The following AGMO variants were observed in gnomAD, a reference collection of about 807,000 sequenced individuals.
The protein encoded by AGMO is glyceryl-ether monooxygenase.
A neutral mutation model predicts 60.2 loss-of-function variants in AGMO; 75 were observed. The observed-to-expected ratio is 1.25, with a 90% CI of 1.03 to 1.51. The LOEUF is 1.51. Ranked by LOEUF, AGMO falls within the 40% of genes most tolerant of loss-of-function variation. The pLI is 0.00. For synonymous variants in AGMO, 261 were observed against 177.1 expected (o/e 1.47, Z -3.76); for missense variants, 763 against 525.5 (o/e 1.45, Z -4.42).
At chr7:15,257,867 A>G (rs898143725) in intron 12 of AGMO, among the ~76,000 whole-genome samples, 9 of 152,208 alleles carry the variant, frequency 5.9e-5, no homozygotes, top group African/African-American at 2.2e-4. Context: ...CACCCGTTTA[A>G]TAGTTTATGC....
the AGMO span, among the ~76,000 whole-genome samples, chr7:15,177,405 A>G: frequency 2.0e-5 from 3 of 152,040 alleles, no homozygotes; most frequent in Admixed American, 2.0e-4. Context: ...CTGCCCATCA[A>G]CACTTCTGTT....
the AGMO span, among the ~76,000 whole-genome samples, chr7:15,187,413 C>A: frequency 6.6e-6 from 1 of 152,194 alleles, no homozygotes; most frequent in Non-Finnish European, 1.5e-5. Flanking sequence ...GCCTCTCCAG[C>A]CTCTCTGTAG....
intron 10 of AGMO, among the ~76,000 whole-genome samples, chr7:15,380,459 T>C (rs1783632762): frequency 6.6e-6 from 1 of 151,734 alleles, no homozygotes; most frequent in Non-Finnish European, 1.5e-5. Context: ...ACCAGGGAGG[T>C]GAAAGATCTC....
intron 3 of AGMO, among the ~76,000 whole-genome samples, chr7:15,531,198 ATATATATTC>A (rs1217480317): frequency 3.4e-5 from 3 of 88,048 alleles, no homozygotes; most frequent in African/African-American, 9.2e-5. Context: ...TATATTCTAT[ATATATATTC>A]TATATATTCT....
chr7:15,342,171 T>TGAAAAAAAAAAAAAAAAA (rs1781874014), intron 12 of AGMO, among the ~76,000 whole-genome samples: 1 of 33,040 alleles, frequency 3.0e-5, no homozygotes, highest in African/African-American at 2.9e-4. Flanking sequence ...ACCCACAGAG[T>TGAAAAAAAAAAAAAAAAA]TAAAAAAAAA....
intron 3 of AGMO, among the ~76,000 whole-genome samples, chr7:15,513,546 C>CT (rs1783733562): frequency 6.6e-6 from 1 of 152,166 alleles, no homozygotes; most frequent in Non-Finnish European, 1.5e-5. Flanking sequence ...GCTTTTACTC[C>CT]TACTCTCTTG....
intron 12 of AGMO, among the ~76,000 whole-genome samples, chr7:15,212,186 T>C: frequency 6.6e-6 from 1 of 151,736 alleles, no homozygotes; most frequent in East Asian, 1.9e-4. Context: ...ACCCTTCAAA[T>C]TTCTCTAAAA....
chr7:15,351,938 T>C (rs1583441935), intron 12 of AGMO, among the ~76,000 whole-genome samples: 1 of 152,204 alleles, frequency 6.6e-6, no homozygotes, highest in Non-Finnish European at 1.5e-5. Context: ...ATGAATTCGG[T>C]AATATTGACC....
intron 3 of AGMO, among the ~76,000 whole-genome samples, chr7:15,454,277 T>C (rs1001121973): frequency 1.3e-5 from 2 of 152,070 alleles, no homozygotes; most frequent in Non-Finnish European, 2.9e-5. Context: ...TCTTGTATAC[T>C]TGAAATTTGC....
At chr7:15,402,557 C>T (rs10234846) in intron 5 of AGMO, among the ~76,000 whole-genome samples, 3 of 148,288 alleles carry the variant, frequency 2.0e-5, no homozygotes, top group Non-Finnish European at 4.5e-5. Context: ...GGGCACAAAT[C>T]TTATGTATTA....
Position 15,229,742 on chromosome 7 carries a change from T to G in AGMO, c.1264-28383A>C, listed in dbSNP as rs575691272. On this transcript the variant is annotated intron_variant, in intron 12 of 12. Coordinates refer to ENST00000342526, the MANE Select transcript of AGMO (RefSeq NM_001004320.2). Reference sequence around the variant, plus strand: ...ATTATATATAAATTATATATTATAATATATATAAATAATTAGTTATATATA... The same window carrying G: ...ATTATATATAAATTATATATTATAAGATATATAAATAATTAGTTATATATA... Among the ~76,000 whole-genome samples, 287 of 147,384 alleles carry G rather than the reference T, an allele frequency of 1.9e-3. 2 individuals are homozygous for G. The highest frequency in any genetic ancestry group is 6.7e-3 in the African/African-American group (272 of 40,726).
chr7:15,169,973 G>A, the AGMO span, among the ~76,000 whole-genome samples: 59 of 152,336 alleles, frequency 3.9e-4, no homozygotes, highest in African/African-American at 1.3e-3. Context: ...GCTTAAGCCA[G>A]TGAACATTTG....
intron 12 of AGMO, among the ~76,000 whole-genome samples, chr7:15,221,096 T>G (rs760936030): frequency 5.3e-5 from 8 of 152,142 alleles, no homozygotes; most frequent in Non-Finnish European, 1.2e-4. Context: ...ATGTAAATAT[T>G]TTCTGTTGTT....
intron 3 of AGMO, among the ~76,000 whole-genome samples, chr7:15,451,937 G>T (rs1055985193): frequency 6.6e-6 from 1 of 152,166 alleles, no homozygotes; most frequent in South Asian, 2.1e-4. Context: ...AGCAGTGTAT[G>T]AATGGTTGAA....
intron 12 of AGMO, among the ~76,000 whole-genome samples, chr7:15,265,184 A>G (rs1282354604): frequency 2.6e-5 from 4 of 152,170 alleles, no homozygotes; most frequent in Non-Finnish European, 5.9e-5. Context: ...GTTCAAGAAC[A>G]GAAAACCAAA....
At chr7:15,415,206 C>G (rs1490794885) in intron 5 of AGMO, among the ~76,000 whole-genome samples, 1 of 151,948 alleles carries the variant, frequency 6.6e-6, no homozygotes, top group African/African-American at 2.4e-5. Context: ...ATGCCATCCT[C>G]CTGCCTCAGC....
At chr7:15,546,892 T>A (rs964005831) in intron 2 of AGMO, among the ~76,000 whole-genome samples, 1 of 152,202 alleles carries the variant, frequency 6.6e-6, no homozygotes, top group African/African-American at 2.4e-5. Flanking sequence ...TAATTCTTTG[T>A]TGGAAGAGGC....
chr7:15,162,278 T>C, the AGMO span, among the ~76,000 whole-genome samples: 1 of 152,108 alleles, frequency 6.6e-6, no homozygotes, highest in Non-Finnish European at 1.5e-5. Flanking sequence ...TTTATAGCAG[T>C]GTGAAAATGG....
chr7:15,435,738 TA>T (rs1781381770), intron 3 of AGMO, among the ~76,000 whole-genome samples: 1 of 152,226 alleles, frequency 6.6e-6, no homozygotes, highest in Non-Finnish European at 1.5e-5. Flanking sequence ...TTGATGATTT[TA>T]TTTAGTTTTC....
Sources: gnomAD v4.1 joint callset for allele counts (sites outside exome capture counted in the v4.1 genomes callset) on GRCh38, gnomAD v4.1.1 for gene constraint, MANE v1.5 for transcripts, NCBI Gene and HGNC (gene_info 2026-07-23, HGNC 2026-07-21) for gene names.